Variants in HS3ST2 observed in about 807,000 individuals in gnomAD.
HS3ST2 encodes heparan sulfate glucosamine 3-O-sulfotransferase 2.
HS3ST2 carries 17 observed loss-of-function variants against 26.3 expected under a neutral mutation model. The observed-to-expected ratio is 0.65, with a 90% confidence interval of 0.44 to 0.97. The LOEUF is 0.97. Ranked by LOEUF, HS3ST2 falls within the 50% of genes least tolerant of loss-of-function variation. The pLI is 0.00. For synonymous variants in HS3ST2, 237 were observed against 219.2 expected (o/e 1.08, Z -0.72); for missense variants, 402 against 501.2 (o/e 0.80, Z 1.89).
chr16:22,834,357 T>G (rs1255332023), intron 1 of HS3ST2, among the ~76,000 whole-genome samples: 1 of 152,218 alleles, frequency 6.6e-6, no homozygotes, highest in Non-Finnish European at 1.5e-5. Flanking sequence ...TCAGTACATA[T>G]AGTAGATATA....
intron 1 of HS3ST2, among the ~76,000 whole-genome samples, chr16:22,869,080 G>T (rs1901796351): frequency 6.6e-6 from 1 of 151,704 alleles, no homozygotes. Flanking sequence ...TAAACAAGCA[G>T]AACTGCAAAT....
chr16:22,848,809 C>T (rs1033224979), intron 1 of HS3ST2, among the ~76,000 whole-genome samples: 5 of 152,164 alleles, frequency 3.3e-5, no homozygotes, highest in Admixed American at 3.3e-4. Flanking sequence ...TGATTATCCC[C>T]ATGCTGGCTG....
At chr16:22,880,148 G>A (rs1017243297) in intron 1 of HS3ST2, among the ~76,000 whole-genome samples, 3 of 152,180 alleles carry the variant, frequency 2.0e-5, no homozygotes, top group Non-Finnish European at 4.4e-5. Context: ...GGGGCCGGGA[G>A]TAGCTCATTC....
At chr16:22,836,017 G>GA (rs894382009) in intron 1 of HS3ST2, among the ~76,000 whole-genome samples, 12 of 148,860 alleles carry the variant, frequency 8.1e-5, no homozygotes, top group East Asian at 5.9e-4. Flanking sequence ...CTTATTCTTT[G>GA]AAAAAAAAAT....
chr16:22,822,176 A>G (rs1035075484), intron 1 of HS3ST2, among the ~76,000 whole-genome samples: 3 of 152,174 alleles, frequency 2.0e-5, no homozygotes, highest in African/African-American at 7.2e-5. Flanking sequence ...AAAGCCCAGC[A>G]TGACCTCTAC....
At chr16:22,834,732 A>G (rs1426972845) in intron 1 of HS3ST2, among the ~76,000 whole-genome samples, 2 of 151,996 alleles carry the variant, frequency 1.3e-5, no homozygotes, top group African/African-American at 4.8e-5. Flanking sequence ...CCCTATGGCA[A>G]TAGAGCTGAA....
At chr16:22,907,677 T>G (rs1902373411) in intron 1 of HS3ST2, among the ~76,000 whole-genome samples, 1 of 152,190 alleles carries the variant, frequency 6.6e-6, no homozygotes, top group African/African-American at 2.4e-5. Flanking sequence ...CGGAGGAAAA[T>G]GTTCAATTGT....
intron 1 of HS3ST2, among the ~76,000 whole-genome samples, chr16:22,874,555 T>C (rs1426917578): frequency 6.6e-6 from 1 of 152,236 alleles, no homozygotes; most frequent in Non-Finnish European, 1.5e-5. Context: ...TGAGCCCATA[T>C]GGCTGTGAGT....
At chr16:22,822,097 C>T (rs35790450) in intron 1 of HS3ST2, among the ~76,000 whole-genome samples, 21,173 of 152,176 alleles carry the variant, frequency 0.14, 1,656 homozygotes, top group African/African-American at 0.2. Context: ...CAAATGGTGG[C>T]ATAGTTATTT....
At chr16:22,913,722 C>G (rs901137839) in intron 1 of HS3ST2, among the ~76,000 whole-genome samples, 1 of 152,246 alleles carries the variant, frequency 6.6e-6, no homozygotes, top group South Asian at 2.1e-4. Context: ...AATTCTTAGC[C>G]AGGTGCAGTG....
intron 1 of HS3ST2, among the ~76,000 whole-genome samples, chr16:22,849,169 G>A (rs1169718546): frequency 6.6e-6 from 1 of 152,156 alleles, no homozygotes; most frequent in Non-Finnish European, 1.5e-5. Context: ...TTTCATGAAT[G>A]TAGACCCACT....
intron 1 of HS3ST2, among the ~76,000 whole-genome samples, chr16:22,836,891 C>T (rs1289104843): frequency 1.3e-5 from 2 of 152,100 alleles, no homozygotes; most frequent in Non-Finnish European, 2.9e-5. Context: ...CTCCTGGTCT[C>T]AAGTGATCCA....
chr16:22,899,052 C>T (rs143045017), intron 1 of HS3ST2, among the ~76,000 whole-genome samples: 1 of 152,164 alleles, frequency 6.6e-6, no homozygotes, highest in African/African-American at 2.4e-5. Flanking sequence ...CGGAACTCAT[C>T]CCTGCAAAAC....
intron 1 of HS3ST2, among the ~76,000 whole-genome samples, chr16:22,866,707 G>A (rs1363965782): frequency 1.3e-5 from 2 of 152,174 alleles, no homozygotes; most frequent in Admixed American, 6.5e-5. Context: ...AGGCTGAGGT[G>A]GTAGTATCAC....
At chr16:22,826,178 C>T (rs373319) in intron 1 of HS3ST2, among the ~76,000 whole-genome samples, 21,855 of 152,070 alleles carry the variant, frequency 0.14, 1,678 homozygotes, top group East Asian at 0.22. Flanking sequence ...AGAAATTCAG[C>T]GGTCAGACTT....
chr16:22,837,422 T>A (rs1219073567), intron 1 of HS3ST2, among the ~76,000 whole-genome samples: 1 of 151,256 alleles, frequency 6.6e-6, no homozygotes, highest in Non-Finnish European at 1.5e-5. Context: ...TGTCCCCAGA[T>A]CCCCAGTGGA....
intron 1 of HS3ST2, among the ~76,000 whole-genome samples, chr16:22,838,154 G>C (rs1259603724): frequency 6.6e-6 from 1 of 152,082 alleles, no homozygotes; most frequent in African/African-American, 2.4e-5. Flanking sequence ...CCTTTGTTCA[G>C]CTCTAGAATC....
intron 1 of HS3ST2, among the ~76,000 whole-genome samples, chr16:22,848,823 A>C (rs1901481598): frequency 6.6e-6 from 1 of 152,202 alleles, no homozygotes; most frequent in Non-Finnish European, 1.5e-5. Context: ...CTGGCTGCCA[A>C]GGGAAGGAAC....
chr16:22,908,022 G>A (rs1407177537), intron 1 of HS3ST2, among the ~76,000 whole-genome samples: 2 of 152,152 alleles, frequency 1.3e-5, no homozygotes, highest in Non-Finnish European at 2.9e-5. Flanking sequence ...AGCTACTTGG[G>A]GAGCTGAGGC....
Sources: allele counts gnomAD v4.1 joint callset (sites outside exome capture counted in the v4.1 genomes callset), GRCh38; gene constraint gnomAD v4.1.1; transcripts MANE v1.5; gene names NCBI Gene and HGNC (gene_info 2026-07-23, HGNC 2026-07-21).